The following SCN10A variants were observed in gnomAD, a reference collection of about 807,000 sequenced individuals.
SCN10A encodes the protein sodium voltage-gated channel alpha subunit 10, also known as sodium channel protein type 10 subunit alpha.
A neutral mutation model predicts 170.7 loss-of-function variants in SCN10A; 162 were observed. The ratio of observed to expected loss-of-function variants is 0.95; its 90% confidence interval spans 0.84 to 1.08. SCN10A has a LOEUF of 1.08. SCN10A is among the 50% of genes least tolerant of loss of function. The pLI, the probability that SCN10A is intolerant of heterozygous loss-of-function variation, is 0.00. For missense variants in SCN10A, 2,527 were observed against 2,436.9 expected (o/e 1.04, Z -0.78); for synonymous variants, 985 against 904.6 (o/e 1.09, Z -1.59).
intron 1 of SCN10A, among the ~76,000 whole-genome samples, chr3:38,814,770 A>G (rs1157404102): frequency 6.6e-6 from 1 of 152,224 alleles, no homozygotes; most frequent in Non-Finnish European, 1.5e-5. Context: ...ATTACTTTTT[A>G]AGGCCACTCT....
At chr3:38,722,172 A>C (rs2063396613) in intron 20 of SCN10A, 86 bp downstream of exon 20, 1 of 1,323,862 alleles carries the variant, frequency 7.6e-7, no homozygotes, top group Non-Finnish European at 1.0e-6. Context: ...TAGTCAGGAG[A>C]ACCCACTGAT....
At chr3:38,755,223 T>C (rs2063790220) in intron 11 of SCN10A, among the ~76,000 whole-genome samples, 1 of 151,430 alleles carries the variant, frequency 6.6e-6, no homozygotes, top group Non-Finnish European at 1.5e-5. Context: ...CCAATAATTA[T>C]ATAAAATTGT....
intron 1 of SCN10A, among the ~76,000 whole-genome samples, chr3:38,802,989 G>C (rs1331620314): frequency 6.6e-6 from 1 of 152,152 alleles, no homozygotes; most frequent in Non-Finnish European, 1.5e-5. Flanking sequence ...AGTGGGCAAA[G>C]GATATGAACA....
At chr3:38,797,106 T>C (rs1188663880) in intron 1 of SCN10A, among the ~76,000 whole-genome samples, 1 of 151,954 alleles carries the variant, frequency 6.6e-6, no homozygotes, top group African/African-American at 2.4e-5. Context: ...ATTTTAAAGC[T>C]CACACACCCC....
chr3:38,741,556 T>C (rs2063632457), intron 14 of SCN10A, among the ~76,000 whole-genome samples: 1 of 152,214 alleles, frequency 6.6e-6, no homozygotes, highest in African/African-American at 2.4e-5. Flanking sequence ...CATCTGAGTA[T>C]TATTACTATT....
chr3:38,788,761 A>G lies in SCN10A; in HGVS notation c.470+195T>C, dbSNP rs527429406. On this transcript the variant is annotated intron_variant, in intron 4 of 27. Coordinates refer to ENST00000449082, the MANE Select transcript of SCN10A (RefSeq NM_006514.4). ...GAACCACTAATCTGTATCTCTTTGA[A>G]ACTGAAAATCATGTATGTTTATGAA... 8.5e-5 allele frequency among the ~76,000 whole-genome samples: 13 copies of G among 152,296 alleles called. 1 individual carries two copies. The South Asian group carries it at 2.7e-3, about 32-fold the overall frequency.
intron 5 of SCN10A, among the ~76,000 whole-genome samples, chr3:38,765,720 A>C (rs1385761739): frequency 6.6e-6 from 1 of 152,072 alleles, no homozygotes; most frequent in African/African-American, 2.4e-5. Flanking sequence ...TTGGTTCCCT[A>C]TGAATTTTAG....
intron 1 of SCN10A, among the ~76,000 whole-genome samples, chr3:38,804,446 A>G (rs80232111): frequency 0.01 from 1,595 of 152,244 alleles, 11 homozygotes; most frequent in Non-Finnish European, 0.017. Context: ...TTCAGCTAGA[A>G]TGTTTTCCCC....
At chr3:38,710,817 C>T in intron 24 of SCN10A, 27 bp downstream of exon 24, 1 of 1,606,644 alleles carries the variant, frequency 6.2e-7, no homozygotes, top group Non-Finnish European at 8.5e-7. Context: ...GAGGGGAAGG[C>T]TGTAGGGACA....
chr3:38,755,858 G>C lies in SCN10A; in HGVS notation c.1391C>G (p.Pro464Arg). The C allele has an allele frequency of 6.2e-7, 1 of 1,614,140 alleles. No individual in the cohort carries two copies. The highest frequency in any genetic ancestry group is 1.1e-5 in the South Asian group (1 of 91,070). ...NASERRHRIK[P>R]RVSEGSTEDN... ...TTCTGTGGAGCCCTCTGACACTCTT[G>C]GCTTTATTCTATGCCTTCTCTCACT... Residue 464 changes from proline (P) to arginine (R), a missense_variant, in exon 11 of 28, where the codon CCA (proline) becomes CGA (arginine). Physicochemically the swap from Pro to Arg is moderately radical, Grantham distance 103 (BLOSUM62 -2). Coordinates refer to ENST00000449082, the MANE Select transcript of SCN10A (RefSeq NM_006514.4).
chr3:38,784,521 T>C (rs1282635593), intron 4 of SCN10A, among the ~76,000 whole-genome samples: 2 of 152,110 alleles, frequency 1.3e-5, no homozygotes, highest in Non-Finnish European at 1.5e-5. Flanking sequence ...CCCCAGCCAA[T>C]ATCATACTGA....
At position 38,726,676 on chromosome 3, in the gene SCN10A, AG is replaced by A. The variant is rs763878639; in HGVS notation, c.3016del (p.Asp1007MetfsTer18). The A allele has an allele frequency of 6.2e-7, 1 of 1,610,412 alleles. No individual in the cohort carries two copies. The highest frequency in any genetic ancestry group is 8.5e-7 in the Non-Finnish European group (1 of 1,177,032). On this transcript the variant is annotated frameshift_variant, in exon 17 of 28. Transcript: ENST00000449082. LOFTEE classifies it high-confidence loss of function. ...CCCACCATCATCCTCCAAGTCATCA[AG>A]ATCAGATTCACCCTCAGCAATGGGC... Reference protein sequence around the residue: ...SVPIAEGESDLDDLEDDGGED... With the variant: ...SVPIAEGESDXDDLEDDGGED...
Position 38,697,617 on chromosome 3 carries a change from T to G in SCN10A, c.5603A>C (p.His1868Pro), listed in dbSNP as rs115463830. 5.4e-5 allele frequency: 87 copies of G among 1,614,198 alleles called. No individual in the cohort carries two copies. In the African/African-American group the frequency reaches 1.1e-3, roughly 20 times the overall value. ...IQKAYRSYVL[H>P]RSMALSNTPC... ...GGTGTTAGAGAGTGCCATGGAGCGG[T>G]GCAGCACATAGCTCCGATAGGCCTT... Residue 1868 changes from histidine (H) to proline (P), a missense_variant, in exon 28 of 28, where the codon CAC becomes CCC. Physicochemically the swap from His to Pro is moderately conservative, Grantham distance 77 (BLOSUM62 -2). Transcript: ENST00000449082.
intron 1 of SCN10A, among the ~76,000 whole-genome samples, chr3:38,807,525 T>C (rs984192731): frequency 1.3e-5 from 2 of 152,166 alleles, no homozygotes; most frequent in African/African-American, 4.8e-5. Flanking sequence ...CTGGCCGCTC[T>C]ATTTTTCTTG....
intron 26 of SCN10A, among the ~76,000 whole-genome samples, chr3:38,702,855 T>C (rs1338022948): frequency 6.6e-6 from 1 of 152,254 alleles, no homozygotes; most frequent in African/African-American, 2.4e-5. Flanking sequence ...TGGTTATTTT[T>C]ATGGTGTCTT....
intron 18 of SCN10A, among the ~76,000 whole-genome samples, chr3:38,724,336 C>G (rs1271623735): frequency 6.6e-6 from 1 of 152,234 alleles, no homozygotes; most frequent in Non-Finnish European, 1.5e-5. Context: ...AGCCCAGTGC[C>G]TGTCACAAAG....
Position 38,697,386 on chromosome 3 carries a change from T to G in SCN10A, c.5834A>C (p.Glu1945Ala). 1 of 1,614,182 alleles carries G rather than the reference T, an allele frequency of 6.2e-7. No individual in the cohort carries two copies. The highest frequency in any genetic ancestry group is 8.5e-7 in the Non-Finnish European group (1 of 1,180,014). The change falls in exon 28 of 28, where the codon GAA becomes GCA. Residue 1945 changes from glutamate to alanine, a missense_variant. By Grantham distance (107) the Glu-to-Ala change is moderately radical (BLOSUM62 -1). Coordinates refer to ENST00000449082, the MANE Select transcript of SCN10A (RefSeq NM_006514.4). Reference sequence around the variant, plus strand: ...GGCAATCAGCTCCATACTGGTGGCTTCATCTTCATTTTGTATTGAGCTAGA... The same window carrying G: ...GGCAATCAGCTCCATACTGGTGGCTGCATCTTCATTTTGTATTGAGCTAGA... ...RTSSSIQNED[E>A]ATSMELIAPG... is the part of the protein sequence containing the mutation.
At chr3:38,705,885 C>T (rs1267797451) in intron 26 of SCN10A, among the ~76,000 whole-genome samples, 1 of 152,182 alleles carries the variant, frequency 6.6e-6, no homozygotes, top group Non-Finnish European at 1.5e-5. Context: ...TCTCATTACC[C>T]ATGACTTGAA....
At position 38,755,769 on chromosome 3, in the gene SCN10A, A is replaced by T. The variant is rs199927297; in HGVS notation, c.1461+19T>A. ...TGCAATGGTGGGTAATCTTTAGAGC[A>T]CAAACCTGAGCCTCTTACCATCCTG... On this transcript the variant is annotated intron_variant, in intron 11 of 27. Coordinates refer to ENST00000449082, the MANE Select transcript of SCN10A (RefSeq NM_006514.4). 121 of 1,612,720 alleles carry T rather than the reference A, an allele frequency of 7.5e-5. 1 individual carries two copies. The African/African-American group carries it at 1.3e-3, about 17-fold the overall frequency.
Sources: gnomAD v4.1 joint callset for allele counts (sites outside exome capture counted in the v4.1 genomes callset) on GRCh38, gnomAD v4.1.1 for gene constraint, MANE v1.5 for transcripts, NCBI Gene and HGNC (gene_info 2026-07-23, HGNC 2026-07-21) for gene names.